The following PDXK variants were observed in gnomAD, a reference collection of about 807,000 sequenced individuals.
PDXK encodes the protein pyridoxal kinase.
Under a neutral mutation model 43.2 loss-of-function variants are expected in PDXK, and 15 were observed. The ratio of observed to expected loss-of-function variants is 0.35; its 90% CI spans 0.23 to 0.53. The LOEUF is 0.53. PDXK is among the 20% of genes least tolerant of loss of function. The probability of loss-of-function intolerance (pLI) is 0.92; values close to 1 mark genes in which losing one functional copy is unlikely to be tolerated. For missense variants in PDXK, 343 were observed against 417.0 expected (o/e 0.82, Z 1.54); for synonymous variants, 172 against 165.4 (o/e 1.04, Z -0.31).
chr21:43,744,924 CT>C (rs2083610837), intron 4 of PDXK, among the ~76,000 whole-genome samples: 1 of 152,162 alleles, frequency 6.6e-6, no homozygotes, highest in Non-Finnish European at 1.5e-5. Context: ...ATTACTCAGT[CT>C]GGAAAAGGAA....
chr21:43,748,584 G>A (rs1029393489), intron 5 of PDXK: 4 of 166,572 alleles, frequency 2.4e-5, no homozygotes, highest in Admixed American at 6.1e-5. Flanking sequence ...AAGAGCTGGC[G>A]GGTTGGGCTC....
chr21:43,740,687 T>C (rs374274545), intron 2 of PDXK, among the ~76,000 whole-genome samples: 4 of 152,020 alleles, frequency 2.6e-5, no homozygotes, highest in South Asian at 4.1e-4. Context: ...TTGATATGCC[T>C]GTCTGCCTGG....
rs764133826 is a variant in PDXK, at chr21:43,743,799, T to C, written c.323T>C (p.Leu108Pro). 1 of 1,612,360 alleles carries C rather than the reference T, an allele frequency of 6.2e-7. No homozygotes were observed. The highest frequency in any genetic ancestry group is 1.7e-5 in the Admixed American group (1 of 59,984). Residue 108 changes from leucine to proline, a missense_variant, in exon 4 of 11, where the codon CTG becomes CCG. Physicochemically the swap from Leu to Pro is moderately conservative, Grantham distance 98 (BLOSUM62 -3). Coordinates refer to ENST00000291565, the MANE Select transcript of PDXK (RefSeq NM_003681.5). ...GAGCTGAAGCAGCAGAACCCCAGGCTGGTGTACGGTAGGCAGGGGCCCACC... is the reference window on the plus strand; with the variant it reads ...GAGCTGAAGCAGCAGAACCCCAGGCCGGTGTACGGTAGGCAGGGGCCCACC... ...VQELKQQNPR[L>P]VYVCDPVLGD...
chr21:43,719,360 G>C lies in PDXK; in HGVS notation c.66G>C (p.Arg22=). 6.6e-7 allele frequency: 1 copy of C among 1,525,294 alleles called. No individual in the cohort carries two copies. The allele number at this position is 1,525,294 out of a possible 1,614,324, so 94.5% of individuals were successfully genotyped here. A position where few individuals can be genotyped will look rare whatever the true frequency, so the allele number is the denominator to read the frequency against. The change falls in exon 1 of 11, where the codon CGG becomes CGC. Residue 22 remains arginine (R), a synonymous_variant. Transcript: ENST00000291565. ...TCATCCGCGGCTACGTGGGCAACCG[G>C]GCGGCCACGTTCCCGCTGCAGGTAC... ...SHVIRGYVGN[R]AATFPLQVLG...
At position 43,737,264 on chromosome 21, in the gene PDXK, C is replaced by T; in HGVS notation, c.142+3141C>T. On this transcript the variant is annotated intron_variant, in intron 2 of 10. Coordinates refer to ENST00000291565, the MANE Select transcript of PDXK (RefSeq NM_003681.5). This position sits in a 1 kb window ranked among gnomAD's most constrained non-coding sequence, Gnocchi z 4.8. ...GGAAAGCCGATCCCCCAAGTGCCTG[C>T]AGAGCCCACCTGGCGCAGGCCTCGC... 1 of 1,420,048 alleles carries T rather than the reference C, an allele frequency of 7.0e-7. No homozygotes were observed. The allele number at this position is 1,420,048 out of a possible 1,614,324, so 88.0% of individuals were successfully genotyped here.
rs996779344 is a variant in PDXK, at chr21:43,721,184, C to T, written c.87+1803C>T. Among the ~76,000 whole-genome samples the T allele has an allele frequency of 4.6e-5, 7 of 152,224 alleles. No individual in the cohort carries two copies. In the East Asian group the frequency reaches 1.3e-3, roughly 29 times the overall value. ...TGAGATGGCTGGAGACCCAGCGAGC[C>T]TGGACCAGCCTTAGTGGGCACAGGA... On this transcript the variant is annotated intron_variant, in intron 1 of 10. Transcript: ENST00000291565.
intron 1 of PDXK, among the ~76,000 whole-genome samples, chr21:43,730,591 C>T (rs2083305606): frequency 6.6e-6 from 1 of 152,146 alleles, no homozygotes; most frequent in African/African-American, 2.4e-5. Context: ...GAGTAGACAA[C>T]AGATAGTGTA....
At chr21:43,736,240 T>C (rs1601799515) in intron 2 of PDXK, among the ~76,000 whole-genome samples, 1 of 152,220 alleles carries the variant, frequency 6.6e-6, no homozygotes, top group African/African-American at 2.4e-5. Context: ...AAGAAAGATG[T>C]CTGCATGCAC....
rs1386143722 is a variant in PDXK, at chr21:43,755,721, T to A, written c.783T>A (p.Ser261=). The A allele has an allele frequency of 6.2e-7, 1 of 1,613,964 alleles. No homozygotes were observed. The highest frequency in any genetic ancestry group is 8.5e-7 in the Non-Finnish European group (1 of 1,179,944). Reference sequence around the variant, plus strand: ...AGGTGGCCTGTGAGAAGACCGTGTCTACCTTGCACCACGTTCTGCAGAGGA... The same window carrying A: ...AGGTGGCCTGTGAGAAGACCGTGTCAACCTTGCACCACGTTCTGCAGAGGA... The part of the protein sequence containing the change: ...NLKVACEKTV[S]TLHHVLQRTI... The change falls in exon 10 of 11, where the codon TCT becomes TCA. Residue 261 remains serine, a synonymous_variant. Coordinates refer to ENST00000291565, the MANE Select transcript of PDXK (RefSeq NM_003681.5).
At chr21:43,725,624 A>G (rs1271232274) in intron 1 of PDXK, among the ~76,000 whole-genome samples, 1 of 152,156 alleles carries the variant, frequency 6.6e-6, no homozygotes, top group Non-Finnish European at 1.5e-5. Flanking sequence ...AGCCTGGCCA[A>G]CATGGTGAAG....
chr21:43,726,972 C>T (rs555424714), intron 1 of PDXK, among the ~76,000 whole-genome samples: 26 of 152,098 alleles, frequency 1.7e-4, no homozygotes, highest in South Asian at 6.2e-4. Context: ...GGCATGCATG[C>T]GTGTGTCATG....
At chr21:43,724,276 C>G (rs1256081832) in intron 1 of PDXK, among the ~76,000 whole-genome samples, 1 of 152,182 alleles carries the variant, frequency 6.6e-6, no homozygotes, top group Non-Finnish European at 1.5e-5. Context: ...AGGGGGCTCC[C>G]TGCCCTGGAA....
At chr21:43,724,537 C>T (rs1464365563) in intron 1 of PDXK, among the ~76,000 whole-genome samples, 3 of 151,992 alleles carry the variant, frequency 2.0e-5, no homozygotes, top group Admixed American at 1.3e-4. Flanking sequence ...GATTTCTATC[C>T]TCAAATATTT....
At chr21:43,731,562 A>G (rs1263048265) in intron 1 of PDXK, among the ~76,000 whole-genome samples, 2 of 152,246 alleles carry the variant, frequency 1.3e-5, no homozygotes, top group African/African-American at 4.8e-5. Context: ...AGCTGATCCC[A>G]TCAGTCAGCA....
intron 1 of PDXK, chr21:43,722,039 T>C (rs1409260431): frequency 6.9e-6 from 1 of 145,978 alleles, no homozygotes; most frequent in African/African-American, 2.5e-5. Context: ...GGCTTGAGGT[T>C]TGGGGGTGCA....
chr21:43,732,999 C>T lies in PDXK; in HGVS notation c.88-1070C>T, dbSNP rs9975611. Reference sequence around the variant, plus strand: ...CTGGCCTCAAACTGTACTCCTACCTCGGCCTCCTAAAGTGCTGGGATTACA... The same window carrying T: ...CTGGCCTCAAACTGTACTCCTACCTTGGCCTCCTAAAGTGCTGGGATTACA... On this transcript the variant is annotated intron_variant, in intron 1 of 10. Transcript: ENST00000291565. This position sits in a 1 kb window ranked among gnomAD's most constrained non-coding sequence, Gnocchi z 4.1. Among the ~76,000 whole-genome samples the T allele has an allele frequency of 0.26, 39,799 of 152,078 alleles. 5,476 individuals are homozygous for T. Among genetic ancestry groups the T allele is most frequent in the Non-Finnish European group, 0.3 (20,659 of 67,956 alleles).
chr21:43,741,614 G>T, intron 2 of PDXK, 53 bp from the exon 3 acceptor site: 1 of 1,588,964 alleles, frequency 6.3e-7, no homozygotes, highest in South Asian at 1.1e-5. Context: ...GGAAGCCCAC[G>T]GCCCCAGCTG....
At chr21:43,743,882 G>C in intron 4 of PDXK, 75 bp downstream of exon 4, 2 of 1,006,770 alleles carry the variant, frequency 2.0e-6, no homozygotes, top group Non-Finnish European at 3.1e-6. Context: ...CCCGGGAAGG[G>C]ACGTCTTAGC....
At chr21:43,728,842 A>T (rs2083281152) in intron 1 of PDXK, 1 of 985,426 alleles carries the variant, frequency 1.0e-6, no homozygotes, top group Non-Finnish European at 1.2e-6. Context: ...ATGAGGTTGA[A>T]AGCACTTCCG....
Sources: gnomAD v4.1 joint callset for allele counts (sites outside exome capture counted in the v4.1 genomes callset) on GRCh38, gnomAD v4.1.1 for gene constraint, Gnocchi (gnomAD v3.1) non-coding constraint, MANE v1.5 for transcripts, NCBI Gene and HGNC (gene_info 2026-07-23, HGNC 2026-07-21) for gene names.